Variants in FBXO42 observed in about 807,000 individuals in gnomAD.
FBXO42 encodes the protein F-box protein 42.
FBXO42 carries 12 observed loss-of-function variants against 71.7 expected under a neutral mutation model. That is an observed-to-expected ratio of 0.17 (90% CI 0.11 to 0.27). The LOEUF (loss-of-function observed/expected upper bound fraction) is 0.27, where lower values mean the gene tolerates loss of function less well. FBXO42 is among the 10% of genes least tolerant of loss of function. The pLI, the probability that FBXO42 is intolerant of heterozygous loss-of-function variation, is 1.00. For synonymous variants in FBXO42, 325 were observed against 327.5 expected (o/e 0.99, Z 0.08); for missense variants, 707 against 911.9 (o/e 0.78, Z 2.89).
At chr1:16,346,657 C>G (rs923189081) in intron 1 of FBXO42, among the ~76,000 whole-genome samples, 1 of 147,406 alleles carries the variant, frequency 6.8e-6, no homozygotes, top group African/African-American at 2.5e-5. Context: ...CACTGCACTC[C>G]AGCCTGGGCG....
rs1343126777 is a variant in FBXO42, at chr1:16,276,119, C to T, written c.502+18664G>A. Among the ~76,000 whole-genome samples the T allele has an allele frequency of 3.9e-5, 6 of 152,030 alleles. No homozygotes were observed. The East Asian group carries it at 5.8e-4, about 15-fold the overall frequency. ...AAACTTGGCAGGGTGCGGTGGCTCA[C>T]GCCTGTAATCCCAGCACTTTGGGAG... On this transcript the variant is annotated intron_variant, in intron 4 of 9. Transcript: ENST00000375592.
Position 16,352,285 on chromosome 1 carries a change from C to G in FBXO42, c.-48G>C. ...CCAGCCCGCTCCACGCTCTCGGGTT[C>G]GCTCCGCTGGCGACGGTAATGAGGG... On this transcript the variant is annotated 5_prime_UTR_variant, in exon 1 of 10. Coordinates refer to ENST00000375592, the MANE Select transcript of FBXO42 (RefSeq NM_018994.3). 1 of 396,634 alleles carries G rather than the reference C, an allele frequency of 2.5e-6. No individual in the cohort carries two copies. Among genetic ancestry groups the G allele is most frequent in the Non-Finnish European group, 4.4e-6 (1 of 224,938 alleles). The allele number at this position is 396,634 out of a possible 1,614,324, so 24.6% of individuals were successfully genotyped here.
chr1:16,259,949 G>A (rs1002240175), intron 4 of FBXO42, among the ~76,000 whole-genome samples: 45 of 152,120 alleles, frequency 3.0e-4, no homozygotes, highest in African/African-American at 1.0e-3. Flanking sequence ...CATGTTGCCC[G>A]TGGTTATCAA....
intron 1 of FBXO42, among the ~76,000 whole-genome samples, chr1:16,322,236 G>A (rs2082414904): frequency 1.3e-5 from 2 of 152,014 alleles, no homozygotes; most frequent in African/African-American, 4.8e-5. Context: ...TCTGCTGCCA[G>A]AGAGGAAACT....
In FBXO42 at chr1:16,252,404, G is replaced by A. The variant is rs771327863; in HGVS notation, c.922C>T (p.Leu308=). Residue 308 remains leucine, a splice_region_variant and synonymous_variant, in exon 9 of 10, where the codon CTA becomes TTA. Coordinates refer to ENST00000375592, the MANE Select transcript of FBXO42 (RefSeq NM_018994.3). This position sits in a 1 kb window ranked among gnomAD's most constrained non-coding sequence, Gnocchi z 4.4. The part of the protein sequence containing the change: ...ILGGCGGPNA[L]FKDAWLLHMH... ...TGCAACAACCAAGCATCCTTGAATA[G>A]CTGTAAGAGAAAAAACCAATAACAA... 3 of 1,612,144 alleles carry A rather than the reference G, an allele frequency of 1.9e-6. No individual in the cohort carries two copies. Among genetic ancestry groups the A allele is most frequent in the Non-Finnish European group, 2.5e-6 (3 of 1,178,406 alleles).
chr1:16,314,431 C>T (rs1400425716), intron 2 of FBXO42, among the ~76,000 whole-genome samples: 2 of 152,296 alleles, frequency 1.3e-5, no homozygotes, highest in Non-Finnish European at 2.9e-5. Flanking sequence ...TTTAATCCTG[C>T]ATTTACTATC....
At chr1:16,291,765 G>C (rs1438272016) in intron 4 of FBXO42, among the ~76,000 whole-genome samples, 1 of 152,008 alleles carries the variant, frequency 6.6e-6, no homozygotes, top group Non-Finnish European at 1.5e-5. Flanking sequence ...TTGAACTCCT[G>C]GGCTCAAGCA....
chr1:16,272,489 C>T (rs1398474938), intron 4 of FBXO42, among the ~76,000 whole-genome samples: 1 of 152,072 alleles, frequency 6.6e-6, no homozygotes, highest in Non-Finnish European at 1.5e-5. Context: ...GAACTCCTGA[C>T]CTCAAGTGAT....
At chr1:16,291,912 T>A (rs150050442) in intron 4 of FBXO42, among the ~76,000 whole-genome samples, 3 of 152,164 alleles carry the variant, frequency 2.0e-5, no homozygotes, top group Admixed American at 6.6e-5. Context: ...CCTCAAGAGA[T>A]CCTCCTGTCT....
chr1:16,271,261 GTGTGT>G (rs1557577448), intron 4 of FBXO42, among the ~76,000 whole-genome samples: 4 of 34,638 alleles, frequency 1.2e-4, no homozygotes, highest in Non-Finnish European at 2.5e-4. Context: ...GTGTGTTGGT[GTGTGT>G]GTGTGTGTGT....
At chr1:16,259,815 C>T (rs1046867275) in intron 4 of FBXO42, among the ~76,000 whole-genome samples, 3 of 150,432 alleles carry the variant, frequency 2.0e-5, no homozygotes, top group African/African-American at 7.3e-5. Flanking sequence ...AGAATATATA[C>T]CTTTTAAGGT....
chr1:16,325,085 C>A (rs9919126), intron 1 of FBXO42, among the ~76,000 whole-genome samples: 103,614 of 151,768 alleles, frequency 0.68, 36,425 homozygotes, highest in East Asian at 0.86. Context: ...AAAAAATACA[C>A]AAGTTAGCCA....
intron 1 of FBXO42, among the ~76,000 whole-genome samples, chr1:16,343,613 G>A (rs1396067008): frequency 6.6e-6 from 1 of 152,068 alleles, no homozygotes; most frequent in African/African-American, 2.4e-5. Context: ...CACGAGGTCA[G>A]GAGTTCAAGA....
At chr1:16,296,919 TCCCCCGCACCCCCCAC>T (rs901390129) in intron 3 of FBXO42, among the ~76,000 whole-genome samples, 16 of 71,460 alleles carry the variant, frequency 2.2e-4, no homozygotes, top group Non-Finnish European at 4.1e-4. Flanking sequence ...AACTCCCCCC[TCCCCCGCACCCCCCAC>T]CCCCCGCTTT....
rs12070848 is a variant in FBXO42, at chr1:16,312,569, T to G, written c.250+2600A>C. On this transcript the variant is annotated intron_variant, in intron 2 of 9. Coordinates refer to ENST00000375592, the MANE Select transcript of FBXO42 (RefSeq NM_018994.3). The stretch of plus-strand genomic sequence containing the variant: ...AGGATTTTTAGGGCAGTGAAGCTAT[T>G]ATGATATTATAACAGTGGATATGTG... Among the ~76,000 whole-genome samples, 903 of 152,270 alleles carry G rather than the reference T, an allele frequency of 5.9e-3. 7 individuals carry two copies. The highest frequency in any genetic ancestry group is 0.021 in the African/African-American group (867 of 41,566).
rs199863983 is a variant in FBXO42, at chr1:16,308,569, C to T, written c.251-2650G>A. Among the ~76,000 whole-genome samples, 34 of 150,668 alleles carry T rather than the reference C, an allele frequency of 2.3e-4. No homozygotes were observed. In the East Asian group the frequency reaches 5.3e-3, roughly 23 times the overall value. On this transcript the variant is annotated intron_variant, in intron 2 of 9. Coordinates refer to ENST00000375592, the MANE Select transcript of FBXO42 (RefSeq NM_018994.3). Reference sequence around the variant, plus strand: ...GGATGGAGTGCAGTGGCACGATCCCCGTTCACCACAATCTCTGCCTCCTGA... The same window carrying T: ...GGATGGAGTGCAGTGGCACGATCCCTGTTCACCACAATCTCTGCCTCCTGA...
chr1:16,277,403 C>A (rs2081916108), intron 4 of FBXO42, among the ~76,000 whole-genome samples: 1 of 151,860 alleles, frequency 6.6e-6, no homozygotes, highest in Non-Finnish European at 1.5e-5. Flanking sequence ...TCCTCCCTGC[C>A]CCCACTACTA....
At chr1:16,310,354 C>T (rs1309856553) in intron 2 of FBXO42, among the ~76,000 whole-genome samples, 2 of 151,140 alleles carry the variant, frequency 1.3e-5, no homozygotes, top group African/African-American at 4.9e-5. Context: ...GAGTGAGGTT[C>T]CATCTGAAAA....
At chr1:16,306,015 C>A (rs1156757160) in intron 2 of FBXO42, 96 bp from the exon 3 acceptor site, 12 of 927,178 alleles carry the variant, frequency 1.3e-5, no homozygotes, top group East Asian at 2.4e-5. Context: ...CATTTTTATA[C>A]AAGTTTCTTT....
Sources: gnomAD v4.1 joint callset for allele counts (sites outside exome capture counted in the v4.1 genomes callset) on GRCh38, gnomAD v4.1.1 for gene constraint, Gnocchi (gnomAD v3.1) non-coding constraint, MANE v1.5 for transcripts, NCBI Gene and HGNC (gene_info 2026-07-23, HGNC 2026-07-21) for gene names.